The following DENND10 variants were observed in gnomAD, a reference collection of about 807,000 sequenced individuals.
DENND10 encodes DENN domain containing 10, also known as DENN domain-containing protein 10.
In DENND10, 24 loss-of-function variants were observed where a neutral mutation model predicts 43.6. The ratio of observed to expected loss-of-function variants is 0.55; its 90% CI spans 0.40 to 0.77. DENND10 has a LOEUF of 0.77. DENND10 is among the 30% of genes least tolerant of loss of function. The pLI is 0.00. For synonymous variants in DENND10, 125 were observed against 157.6 expected (o/e 0.79, Z 1.55); for missense variants, 303 against 429.9 (o/e 0.70, Z 2.61).
chr10:119,131,355 G>A lies in DENND10; in HGVS notation c.803-1160G>A, dbSNP rs532330107. Among the ~76,000 whole-genome samples, 121 of 152,318 alleles carry A rather than the reference G, an allele frequency of 7.9e-4. No homozygotes were observed. In the Middle Eastern group the frequency reaches 0.014, roughly 17 times the overall value. Reference sequence around the variant, plus strand: ...CGCCTCTAGTCCCAGCTACTCGGGAGGCTGAGGCAGGAGAATCAGTTGAAC... The same window carrying A: ...CGCCTCTAGTCCCAGCTACTCGGGAAGCTGAGGCAGGAGAATCAGTTGAAC... On this transcript the variant is annotated intron_variant, in intron 7 of 8. Coordinates refer to ENST00000361432, the MANE Select transcript of DENND10 (RefSeq NM_207009.4).
In DENND10 at chr10:119,132,653, G is replaced by T. The variant is rs1846137231; in HGVS notation, c.897+44G>T. The T allele has an allele frequency of 1.3e-6, 2 of 1,509,778 alleles. No homozygotes were observed. Among genetic ancestry groups the T allele is most frequent in the Non-Finnish European group, 9.2e-7 (1 of 1,084,666 alleles). The allele number at this position is 1,509,778 out of a possible 1,614,324, so 93.5% of individuals were successfully genotyped here. ...GACTTACTGAAAGTCCTGACCCGGT[G>T]TCGCTGGGTGGTGTGCGGCAGAGCT... is the stretch of plus-strand genomic sequence containing the variant. On this transcript the variant is annotated intron_variant, in intron 8 of 8. Transcript: ENST00000361432. This position sits in a 1 kb window ranked among gnomAD's most constrained non-coding sequence, Gnocchi z 4.2.
Position 119,136,679 on chromosome 10 carries a change from T to C in DENND10, c.*32T>C, listed in dbSNP as rs778874946. The stretch of plus-strand genomic sequence containing the variant: ...GACAGAACGTATCACTGATGACTGA[T>C]AGAAAGCCCTCTTTCACTCTGATTA... On this transcript the variant is annotated 3_prime_UTR_variant, in exon 9 of 9. Transcript: ENST00000361432. The C allele has an allele frequency of 9.6e-6, 11 of 1,146,558 alleles. No homozygotes were observed. The highest frequency in any genetic ancestry group is 1.3e-5 in the Non-Finnish European group (11 of 817,992). 71.0% of individuals were successfully genotyped at this position (1,146,558 alleles called of 1,614,324 possible).
At chr10:119,125,501 C>CTTTTTTTTT (rs34630434) in intron 6 of DENND10, among the ~76,000 whole-genome samples, 28 of 65,856 alleles carry the variant, frequency 4.3e-4, no homozygotes, top group East Asian at 2.4e-3. Flanking sequence ...TTCTAGTTTT[C>CTTTTTTTTT]TTTTTTTTTT....
chr10:119,133,073 C>T (rs3824831), intron 8 of DENND10: 88,311 of 161,894 alleles, frequency 0.55, 24,428 homozygotes, highest in Middle Eastern at 0.66. Context: ...TGCCACATGC[C>T]GCAGAGCCAG....
intron 3 of DENND10, among the ~76,000 whole-genome samples, chr10:119,113,843 G>A (rs1011554383): frequency 1.3e-5 from 2 of 152,202 alleles, no homozygotes; most frequent in African/African-American, 2.4e-5. Context: ...CCAGGTGAAT[G>A]TCTCACTGTG....
intron 5 of DENND10, 142 bp from the exon 6 acceptor site, chr10:119,123,327 T>C (rs1000722753): frequency 2.0e-5 from 12 of 600,382 alleles, no homozygotes; most frequent in Non-Finnish European, 3.3e-5. Context: ...GTTAGCACAT[T>C]TGGGGCTTGG....
chr10:119,107,770 G>A (rs1187706705), intron 1 of DENND10, among the ~76,000 whole-genome samples, 198 bp from the exon 2 acceptor site: 2 of 152,124 alleles, frequency 1.3e-5, no homozygotes, highest in African/African-American at 4.8e-5. Context: ...TTTTACTCAG[G>A]TGGCCTGTAA....
At chr10:119,131,627 G>C (rs951102400) in intron 7 of DENND10, among the ~76,000 whole-genome samples, 3 of 152,308 alleles carry the variant, frequency 2.0e-5, no homozygotes, top group African/African-American at 7.2e-5. Context: ...GCAGCTGAAT[G>C]CTGACTCATT....
At position 119,132,194 on chromosome 10, in the gene DENND10, G is replaced by T. The variant is rs111294160; in HGVS notation, c.803-321G>T. ...TAGAACGTCAGACTCTTGGCTTATA[G>T]TCATGACTTAGTTGTAGTCAGAATT... On this transcript the variant is annotated intron_variant, in intron 7 of 8. Transcript: ENST00000361432. This position sits in a 1 kb window ranked among gnomAD's most constrained non-coding sequence, Gnocchi z 4.2. 1.3e-5 allele frequency among the ~76,000 whole-genome samples: 2 copies of T among 152,180 alleles called. No individual in the cohort carries two copies. The highest frequency in any genetic ancestry group is 2.9e-5 in the Non-Finnish European group (2 of 68,034).
At chr10:119,131,236 A>G (rs1354709820) in intron 7 of DENND10, among the ~76,000 whole-genome samples, 2 of 152,150 alleles carry the variant, frequency 1.3e-5, no homozygotes, top group Non-Finnish European at 2.9e-5. Flanking sequence ...AGGCGGGTGG[A>G]TCACGAGGTC....
chr10:119,135,404 T>C (rs1200489880), intron 8 of DENND10, among the ~76,000 whole-genome samples: 6 of 152,154 alleles, frequency 3.9e-5, no homozygotes, highest in African/African-American at 1.4e-4. Context: ...ATGTAGTCTT[T>C]ATATACAGTA....
At chr10:119,119,999 A>AC (rs1302332307) in intron 4 of DENND10, among the ~76,000 whole-genome samples, 4 of 152,004 alleles carry the variant, frequency 2.6e-5, no homozygotes, top group Non-Finnish European at 5.9e-5. Context: ...TGTAATCCCA[A>AC]CACTTTGGGA....
intron 2 of DENND10, among the ~76,000 whole-genome samples, chr10:119,111,413 C>T (rs538441023): frequency 2.7e-4 from 41 of 151,166 alleles, no homozygotes; most frequent in Non-Finnish European, 4.9e-4. Flanking sequence ...GAGTTCAAGT[C>T]CAGCCTAGGC....
chr10:119,121,788 G>A lies in DENND10; in HGVS notation c.593+1336G>A, dbSNP rs535482548. 5.3e-5 allele frequency among the ~76,000 whole-genome samples: 8 copies of A among 152,052 alleles called. No homozygotes were observed. In the East Asian group the frequency reaches 9.7e-4, roughly 18 times the overall value. ...TTAAAAGCAAGAGGACTTAGCATTC[G>A]TGTTGGGTTTACTGTATGTCAGGCA... On this transcript the variant is annotated intron_variant, in intron 5 of 8. Transcript: ENST00000361432.
chr10:119,112,848 T>C (rs1845042803), intron 3 of DENND10, among the ~76,000 whole-genome samples: 1 of 151,338 alleles, frequency 6.6e-6, no homozygotes, highest in Admixed American at 6.6e-5. Flanking sequence ...CAGAGTTTTA[T>C]TTATTATGTT....
In DENND10 at chr10:119,132,376, C is replaced by T. The variant is rs1220083225; in HGVS notation, c.803-139C>T. The T allele has an allele frequency of 4.2e-6, 3 of 708,950 alleles. No homozygotes were observed. The highest frequency in any genetic ancestry group is 7.7e-6 in the Non-Finnish European group (3 of 388,596). The allele number at this position is 708,950 out of a possible 1,614,324, so 43.9% of individuals were successfully genotyped here. On this transcript the variant is annotated intron_variant, in intron 7 of 8. Coordinates refer to ENST00000361432, the MANE Select transcript of DENND10 (RefSeq NM_207009.4). The surrounding 1 kb of genome is among the most constrained non-coding windows in gnomAD (Gnocchi z 4.2). ...TCCCAGCATGTTGTCATATTTGTGT[C>T]TAGTGATAAAATGGACATGTGGGAG...
chr10:119,121,878 A>G (rs1206554923), intron 5 of DENND10, among the ~76,000 whole-genome samples: 1 of 152,178 alleles, frequency 6.6e-6, no homozygotes, highest in Non-Finnish European at 1.5e-5. Flanking sequence ...AAGTATTTTT[A>G]CCCTGTTTTA....
At chr10:119,109,500 G>A (rs900705122) in intron 2 of DENND10, among the ~76,000 whole-genome samples, 2 of 152,018 alleles carry the variant, frequency 1.3e-5, no homozygotes, top group Non-Finnish European at 2.9e-5. Flanking sequence ...AGCATGACTA[G>A]AATACCAGCT....
intron 1 of DENND10, among the ~76,000 whole-genome samples, chr10:119,107,414 T>TC (rs1589711483): frequency 6.6e-6 from 1 of 152,178 alleles, no homozygotes; most frequent in East Asian, 1.9e-4. Context: ...GTCTTTTTTT[T>TC]TTTTTTTGAG....
Sources: gnomAD v4.1 joint callset for allele counts (sites outside exome capture counted in the v4.1 genomes callset) on GRCh38, gnomAD v4.1.1 for gene constraint, Gnocchi (gnomAD v3.1) non-coding constraint, MANE v1.5 for transcripts, NCBI Gene and HGNC (gene_info 2026-07-23, HGNC 2026-07-21) for gene names.